DIAPH2: variants seen among roughly 807,000 people sequenced by gnomAD.
DIAPH2 encodes the protein protein diaphanous homolog 2.
DIAPH2 carries 35 observed loss-of-function variants against 92.7 expected under a neutral mutation model. That is an observed-to-expected ratio of 0.38 (90% CI 0.29 to 0.50). The LOEUF is 0.50. Among genes scored for constraint, DIAPH2 ranks in the 20% least tolerant of loss-of-function variants. The probability of loss-of-function intolerance (pLI) is 0.94; values close to 1 mark genes in which losing one functional copy is unlikely to be tolerated. For missense variants in DIAPH2, 701 were observed against 819.5 expected (o/e 0.86, Z 1.77); for synonymous variants, 301 against 280.4 (o/e 1.07, Z -0.73).
intron 19 of DIAPH2, among the ~76,000 whole-genome samples, chrX:97,077,514 G>A (rs1241508645): frequency 8.9e-6 from 1 of 111,872 alleles, no homozygotes; most frequent in Non-Finnish European, 1.9e-5. Context: ...TAGCATGGTT[G>A]TCTCCTCATA....
At chrX:97,552,214 T>C (rs1244642486) in intron 26 of DIAPH2, among the ~76,000 whole-genome samples, 4 of 109,023 alleles carry the variant, frequency 3.7e-5, no homozygotes, top group African/African-American at 1.0e-4. Flanking sequence ...CATTTCTTGA[T>C]GAAATACTTA....
At chrX:96,788,456 G>A (rs2064475330) in intron 4 of DIAPH2, among the ~76,000 whole-genome samples, 1 of 111,600 alleles carries the variant, frequency 9.0e-6, no homozygotes, top group Non-Finnish European at 1.9e-5. Context: ...ATCTAGGACG[G>A]CTCCTACAAG....
chrX:97,275,834 T>C (rs2068445553), intron 23 of DIAPH2, among the ~76,000 whole-genome samples: 1 of 110,159 alleles, frequency 9.1e-6, no homozygotes, highest in African/African-American at 3.3e-5. Flanking sequence ...TCTCAGATGA[T>C]GGGCGGCCAG....
At chrX:97,384,369 A>C (rs1261784169) in intron 25 of DIAPH2, among the ~76,000 whole-genome samples, 1 of 111,996 alleles carries the variant, frequency 8.9e-6, no homozygotes. Flanking sequence ...GTATGGGGAG[A>C]TAAGCCTTAG....
chrX:97,218,459 A>G (rs1045294121), intron 22 of DIAPH2, among the ~76,000 whole-genome samples: 2 of 111,907 alleles, frequency 1.8e-5, no homozygotes, highest in Non-Finnish European at 3.8e-5. Context: ...ATGCACATGT[A>G]ATGAACACAT....
chrX:97,463,885 G>T (rs1027949799), intron 26 of DIAPH2, among the ~76,000 whole-genome samples: 7 of 111,024 alleles, frequency 6.3e-5, no homozygotes, highest in Admixed American at 1.9e-4. Context: ...ATGACTTGAA[G>T]TGAATCACTT....
intron 4 of DIAPH2, among the ~76,000 whole-genome samples, chrX:96,759,866 G>A (rs1044345430): frequency 9.0e-6 from 1 of 111,430 alleles, no homozygotes; most frequent in African/African-American, 3.2e-5. Flanking sequence ...TCCTCTTCAA[G>A]TGACCAAAGA....
rs201870489 is a variant in DIAPH2, at chrX:97,225,447, TTA to T, written c.2720-22266_2720-22265del. Among the ~76,000 whole-genome samples, 808 of 111,831 alleles carry T rather than the reference TTA, an allele frequency of 7.2e-3. 6 individuals carry two copies. Among genetic ancestry groups the T allele is most frequent in the African/African-American group, 0.025 (769 of 30,840 alleles). On this transcript the variant is annotated intron_variant, in intron 22 of 26. Transcript: ENST00000324765. ...CATCAAAAAGGGTAGCAAGTGAATA[TTA>T]TTTATACTTTTTCATTTAAGATTTT...
intron 17 of DIAPH2, among the ~76,000 whole-genome samples, chrX:96,995,962 A>G (rs1239388113): frequency 9.0e-6 from 1 of 111,189 alleles, no homozygotes; most frequent in African/African-American, 3.3e-5. Context: ...AGAAAGGGTT[A>G]ACAACTCAAA....
intron 23 of DIAPH2, among the ~76,000 whole-genome samples, chrX:97,287,014 C>T (rs933930322): frequency 1.8e-5 from 2 of 111,606 alleles, no homozygotes; most frequent in Non-Finnish European, 3.8e-5. Context: ...ATCCTCTTTT[C>T]CTCCACTACA....
intron 25 of DIAPH2, among the ~76,000 whole-genome samples, chrX:97,417,174 G>A (rs1243714164): frequency 8.9e-6 from 1 of 111,954 alleles, no homozygotes; most frequent in Non-Finnish European, 1.9e-5. Context: ...CCTCACTGAG[G>A]TGAGACTTCT....
chrX:96,728,043 C>CAA (rs1225289870), intron 1 of DIAPH2, among the ~76,000 whole-genome samples: 10 of 27,143 alleles, frequency 3.7e-4, no homozygotes, highest in African/African-American at 1.0e-3. Flanking sequence ...GACTCCGTCT[C>CAA]AAAAAAAAAA....
intron 25 of DIAPH2, among the ~76,000 whole-genome samples, chrX:97,386,529 G>A (rs908275625): frequency 1.8e-5 from 2 of 110,353 alleles, no homozygotes; most frequent in Non-Finnish European, 3.8e-5. Flanking sequence ...TTAGCCAGGC[G>A]TGGTGGTGCG....
intron 23 of DIAPH2, among the ~76,000 whole-genome samples, chrX:97,268,831 C>G (rs1020364273): frequency 2.6e-4 from 28 of 106,512 alleles, no homozygotes; most frequent in Non-Finnish European, 3.9e-5. Context: ...TATTCAGGCA[C>G]TGTTCTTTTT....
chrX:97,384,122 G>C, intron 25 of DIAPH2, 78 bp downstream of exon 25: 1 of 891,345 alleles, frequency 1.1e-6, no homozygotes, highest in Non-Finnish European at 1.5e-6. Context: ...GGATTATAAA[G>C]TAAATTTTCA....
chrX:96,726,893 ATTAG>A (rs767691356), intron 1 of DIAPH2, among the ~76,000 whole-genome samples: 1 of 112,124 alleles, frequency 8.9e-6, no homozygotes, highest in African/African-American at 3.2e-5. Context: ...AATGGTAGCT[ATTAG>A]TTAGGTAGAA....
intron 4 of DIAPH2, among the ~76,000 whole-genome samples, chrX:96,785,607 C>G (rs4969691): frequency 0.1 from 10,625 of 104,815 alleles, 540 homozygotes; most frequent in East Asian, 0.32. Context: ...GAGTAGCTGG[C>G]ATTACAGGTG....
intron 26 of DIAPH2, among the ~76,000 whole-genome samples, chrX:97,555,885 C>A (rs2071253408): frequency 8.9e-6 from 1 of 111,761 alleles, no homozygotes; most frequent in African/African-American, 3.3e-5. Flanking sequence ...TAAAATAGGT[C>A]TTTTAGGCAA....
At chrX:97,038,996 G>C (rs888668170) in intron 17 of DIAPH2, among the ~76,000 whole-genome samples, 1 of 110,957 alleles carries the variant, frequency 9.0e-6, no homozygotes, top group African/African-American at 3.3e-5. Context: ...GTTATGTATT[G>C]CAAATTTGTT....
Sources: gnomAD v4.1 joint callset for allele counts (sites outside exome capture counted in the v4.1 genomes callset) on GRCh38, gnomAD v4.1.1 for gene constraint, MANE v1.5 for transcripts, NCBI Gene and HGNC (gene_info 2026-07-23, HGNC 2026-07-21) for gene names.